Variants in ADAMTSL1 observed in about 807,000 individuals in gnomAD.
The protein encoded by ADAMTSL1 is ADAMTS-like protein 1.
A neutral mutation model predicts 201.8 loss-of-function variants in ADAMTSL1; 126 were observed. The ratio of observed to expected loss-of-function variants is 0.62; its 90% confidence interval spans 0.54 to 0.72. ADAMTSL1 has a LOEUF of 0.72. Ranked by LOEUF, ADAMTSL1 falls within the 30% of genes least tolerant of loss-of-function variation. ADAMTSL1 has a pLI of 0.00. For missense variants in ADAMTSL1, 2,679 were observed against 2,277.8 expected, an observed-to-expected ratio of 1.18 and a Z score of -3.59; for synonymous variants, 1,121 against 903.4, an observed-to-expected ratio of 1.24 and a Z score of -4.32.
At chr9:18,808,500 A>G (rs909922119) in intron 20 of ADAMTSL1, among the ~76,000 whole-genome samples, 2 of 152,338 alleles carry the variant, frequency 1.3e-5, no homozygotes, top group South Asian at 4.1e-4. Flanking sequence ...CAAAAACTCA[A>G]TATAATTAAT....
At chr9:18,290,502 G>A (rs1833208569) in intron 2 of ADAMTSL1, among the ~76,000 whole-genome samples, 1 of 152,098 alleles carries the variant, frequency 6.6e-6, no homozygotes, top group Non-Finnish European at 1.5e-5. Flanking sequence ...TAATAGCCAT[G>A]GTAGAGGCTT....
chr9:18,680,723 T>C, intron 11 of ADAMTSL1: 1 of 580,798 alleles, frequency 1.7e-6, no homozygotes, highest in South Asian at 2.1e-5. Flanking sequence ...TCTTCAAGTT[T>C]CTTCAAGAAG....
At chr9:18,698,516 C>A (rs1587926605) in intron 13 of ADAMTSL1, among the ~76,000 whole-genome samples, 1 of 151,972 alleles carries the variant, frequency 6.6e-6, no homozygotes, top group Non-Finnish European at 1.5e-5. Context: ...GAACTCCCGA[C>A]CTCAAGTGAT....
chr9:18,472,169 C>T (rs1244475635), upstream of ADAMTSL1, among the ~76,000 whole-genome samples: 1 of 152,122 alleles, frequency 6.6e-6, no homozygotes, highest in Non-Finnish European at 1.5e-5. Context: ...AACCCTTTAG[C>T]AGAAAGCTCT....
chr9:18,587,114 T>G (rs1587646758), intron 4 of ADAMTSL1, among the ~76,000 whole-genome samples: 2 of 152,054 alleles, frequency 1.3e-5, no homozygotes, highest in Non-Finnish European at 2.9e-5. Context: ...CTAATTAAAC[T>G]AAAGAGCTTC....
At chr9:18,094,973 T>C (rs1640575331) in intron 1 of ADAMTSL1, among the ~76,000 whole-genome samples, 1 of 152,138 alleles carries the variant, frequency 6.6e-6, no homozygotes, top group African/African-American at 2.4e-5. Context: ...AAGACTAGAA[T>C]TAGAACGTTC....
At chr9:18,501,041 C>T (rs1031056679) in intron 1 of ADAMTSL1, among the ~76,000 whole-genome samples, 1 of 152,098 alleles carries the variant, frequency 6.6e-6, no homozygotes, top group Non-Finnish European at 1.5e-5. Context: ...CATTGGCTGG[C>T]CTGTATAGAA....
At position 18,855,837 on chromosome 9, in the gene ADAMTSL1, T is replaced by C. The variant is rs542314137; in HGVS notation, c.4249+25860T>C. On this transcript the variant is annotated intron_variant, in intron 23 of 28. Coordinates refer to ENST00000380548, the MANE Select transcript of ADAMTSL1 (RefSeq NM_001040272.6). The stretch of plus-strand genomic sequence containing the variant: ...ACCTGGCAGGGACCATTGTGTGTAA[T>C]GTGTGACTCTTTGAAGTGGTATCAA... Among the ~76,000 whole-genome samples, 13 of 152,318 alleles carry C rather than the reference T, an allele frequency of 8.5e-5. No homozygotes were observed. In the East Asian group the frequency reaches 2.5e-3, roughly 29 times the overall value.
rs534460307 is a variant in ADAMTSL1 at position 18,512,290 on chromosome 9, A to G, written c.191+7334A>G. Among the ~76,000 whole-genome samples the G allele has an allele frequency of 9.9e-5, 15 of 152,258 alleles. No individual in the cohort carries two copies. In the South Asian group the frequency reaches 2.9e-3, roughly 29 times the overall value. On this transcript the variant is annotated intron_variant, in intron 2 of 28. Transcript: ENST00000380548. ...TCCGGAGGCAAATGCGCTAAGGCCA[A>G]TGACTGAATGTTTAGGACCAATTTA...
chr9:18,380,116 A>T (rs1837489338), intron 2 of ADAMTSL1, among the ~76,000 whole-genome samples: 1 of 152,040 alleles, frequency 6.6e-6, no homozygotes, highest in South Asian at 2.1e-4. Context: ...ATCTATTTTA[A>T]CTGTTTTAAG....
At chr9:18,879,738 A>G (rs1375151753) in intron 23 of ADAMTSL1, among the ~76,000 whole-genome samples, 1 of 152,198 alleles carries the variant, frequency 6.6e-6, no homozygotes, top group East Asian at 1.9e-4. Context: ...ATGGTTGCTG[A>G]ATATTGGAAA....
intron 2 of ADAMTSL1, among the ~76,000 whole-genome samples, chr9:18,227,232 G>T (rs536659454): frequency 5.9e-5 from 9 of 151,928 alleles, no homozygotes; most frequent in African/African-American, 2.2e-4. Context: ...CTGCATTGTC[G>T]TATATTTTTC....
intron 2 of ADAMTSL1, among the ~76,000 whole-genome samples, chr9:18,317,248 AAGGGT>A (rs1264741507): frequency 6.6e-6 from 1 of 152,152 alleles, no homozygotes; most frequent in Non-Finnish European, 1.5e-5. Context: ...GGATGAGGAA[AAGGGT>A]AGATGTTGGT....
At chr9:18,461,702 G>A (rs1415589968) in intron 2 of ADAMTSL1, among the ~76,000 whole-genome samples, 2 of 152,086 alleles carry the variant, frequency 1.3e-5, no homozygotes, top group African/African-American at 4.8e-5. Flanking sequence ...GTGAGAGAAG[G>A]GAGAAATAAA....
intron 19 of ADAMTSL1, among the ~76,000 whole-genome samples, chr9:18,783,261 T>C (rs768539181): frequency 1.6e-4 from 25 of 152,220 alleles, no homozygotes; most frequent in Non-Finnish European, 2.9e-4. Context: ...CCAGTTTGTA[T>C]TGAACTCCAA....
chr9:18,758,224 T>C (rs1819881126), intron 16 of ADAMTSL1, among the ~76,000 whole-genome samples: 1 of 152,222 alleles, frequency 6.6e-6, no homozygotes, highest in African/African-American at 2.4e-5. Flanking sequence ...GCAGTATGGC[T>C]TTCCCAAGAC....
chr9:18,031,667 G>A (rs549961822), intron 1 of ADAMTSL1, among the ~76,000 whole-genome samples: 5 of 152,266 alleles, frequency 3.3e-5, no homozygotes, highest in African/African-American at 9.6e-5. Context: ...TCCATTCCAG[G>A]GCTTTGGTGG....
At chr9:18,339,555 A>T (rs150647292) in intron 2 of ADAMTSL1, among the ~76,000 whole-genome samples, 8 of 152,306 alleles carry the variant, frequency 5.3e-5, no homozygotes, top group African/African-American at 1.9e-4. Flanking sequence ...GCAATTTCTC[A>T]AAGAATTTAA....
intron 2 of ADAMTSL1, among the ~76,000 whole-genome samples, chr9:18,396,628 A>G (rs1563933062): frequency 6.6e-6 from 1 of 150,790 alleles, no homozygotes; most frequent in East Asian, 1.9e-4. Flanking sequence ...TTTTTATGTT[A>G]ATAATGTCCT....
Sources: allele counts gnomAD v4.1 joint callset (sites outside exome capture counted in the v4.1 genomes callset), GRCh38; gene constraint gnomAD v4.1.1; transcripts MANE v1.5; gene names NCBI Gene and HGNC (gene_info 2026-07-23, HGNC 2026-07-21).